MEIG1: variants seen among roughly 807,000 people sequenced by gnomAD.
MEIG1 encodes the protein meiosis expressed gene 1 protein homolog.
MEIG1 carries 12 observed loss-of-function variants against 11.3 expected under a neutral mutation model. The observed-to-expected ratio is 1.07, with a 90% CI of 0.68 to 1.73. MEIG1 has a LOEUF of 1.73. Ranked by LOEUF, MEIG1 falls within the 40% of genes most tolerant of loss-of-function variation. The probability of loss-of-function intolerance (pLI) is 0.00; values close to 1 mark genes in which losing one functional copy is unlikely to be tolerated. For synonymous variants in MEIG1, 41 were observed against 33.2 expected, an observed-to-expected ratio of 1.24 and a Z score of -0.81; for missense variants, 119 against 104.9, an observed-to-expected ratio of 1.13 and a Z score of -0.59.
intron 2 of MEIG1, among the ~76,000 whole-genome samples, chr10:14,968,484 T>C (rs2131270067): frequency 6.6e-6 from 1 of 151,934 alleles, no homozygotes; most frequent in East Asian, 1.9e-4. Flanking sequence ...CGAAACCCCA[T>C]CTCAAATAAA....
chr10:14,987,203 G>T (rs1203793393), intron 2 of MEIG1: 2 of 961,030 alleles, frequency 2.1e-6, no homozygotes, highest in East Asian at 3.0e-5. Flanking sequence ...CTTGGGAACC[G>T]TGGCCGAAGT....
upstream of MEIG1, among the ~76,000 whole-genome samples, chr10:14,957,402 G>T (rs931759887): frequency 1.3e-4 from 20 of 152,346 alleles, no homozygotes; most frequent in African/African-American, 4.8e-4. Flanking sequence ...GGGCAGTGAT[G>T]AAATATACTG....
downstream of MEIG1, among the ~76,000 whole-genome samples, chr10:14,975,386 GC>G (rs1388185029): frequency 6.6e-6 from 1 of 151,934 alleles, no homozygotes; most frequent in African/African-American, 2.4e-5. Flanking sequence ...GAGAGGAGAG[GC>G]TGATATGACT....
chr10:14,962,283 T>C (rs1301322550), intron 1 of MEIG1, among the ~76,000 whole-genome samples: 1 of 152,166 alleles, frequency 6.6e-6, no homozygotes, highest in Non-Finnish European at 1.5e-5. Context: ...TTTTGTGTTT[T>C]TAATAAACTG....
chr10:14,987,545 C>T (rs558965552), intron 2 of MEIG1: 15 of 652,956 alleles, frequency 2.3e-5, no homozygotes, highest in African/African-American at 2.2e-4. Flanking sequence ...CATCTTTACA[C>T]TTGCAGACCA....
chr10:14,984,359 C>T (rs1406077506), intron 1 of MEIG1, among the ~76,000 whole-genome samples: 1 of 152,100 alleles, frequency 6.6e-6, no homozygotes, highest in Non-Finnish European at 1.5e-5. Context: ...CAACATGCCG[C>T]TACTGAAGTC....
chr10:14,981,966 C>A (rs1271586720), intron 1 of MEIG1, among the ~76,000 whole-genome samples: 3 of 152,224 alleles, frequency 2.0e-5, no homozygotes, highest in African/African-American at 7.2e-5. Context: ...TCCCTGTTTA[C>A]AAACACCTGC....
At chr10:14,966,700 T>C in intron 2 of MEIG1, 94 bp downstream of exon 2, 17 of 1,093,606 alleles carry the variant, frequency 1.6e-5, no homozygotes, top group East Asian at 1.1e-4. Context: ...CTGAAGGAAA[T>C]TCGACTCCAA....
chr10:14,970,644 A>T (rs1399198923), intron 2 of MEIG1: 1 of 152,268 alleles, frequency 6.6e-6, no homozygotes, highest in Non-Finnish European at 1.5e-5. Flanking sequence ...CTTCTCAGAT[A>T]TGCTGTTACC....
chr10:14,958,665 GGC>G (rs1232407469), upstream of MEIG1, among the ~76,000 whole-genome samples: 1 of 152,192 alleles, frequency 6.6e-6, no homozygotes, highest in Non-Finnish European at 1.5e-5. Flanking sequence ...GGGAGGCCGA[GGC>G]GGGTGGATGA....
downstream of MEIG1, among the ~76,000 whole-genome samples, chr10:14,977,669 G>A (rs1225178484): frequency 1.3e-5 from 2 of 151,534 alleles, no homozygotes; most frequent in Non-Finnish European, 2.9e-5. Flanking sequence ...TACCCCATGT[G>A]GGTATACCCT....
chr10:14,971,434 T>G (rs1843149518), intron 2 of MEIG1, among the ~76,000 whole-genome samples: 1 of 151,798 alleles, frequency 6.6e-6, no homozygotes, highest in Non-Finnish European at 1.5e-5. Flanking sequence ...TTCTAACTAC[T>G]CGGGAGGCAG....
chr10:14,963,915 A>G (rs1333658446), intron 1 of MEIG1, among the ~76,000 whole-genome samples: 2 of 152,090 alleles, frequency 1.3e-5, no homozygotes, highest in Admixed American at 1.3e-4. Flanking sequence ...TGGCTAACAC[A>G]GTGAAACCCC....
intron 1 of MEIG1, 24 bp downstream of exon 1, chr10:14,959,581 C>G (rs1369783360): frequency 6.6e-6 from 1 of 152,432 alleles, no homozygotes; most frequent in African/African-American, 2.4e-5. Context: ...TCGCTGGAGG[C>G]GAGGGCCCTG....
At chr10:14,985,663 T>C (rs1843311582) in intron 1 of MEIG1, among the ~76,000 whole-genome samples, 1 of 152,040 alleles carries the variant, frequency 6.6e-6, no homozygotes, top group African/African-American at 2.4e-5. Context: ...TTTGTTTGAA[T>C]GTCACAAAGA....
intron 1 of MEIG1, among the ~76,000 whole-genome samples, chr10:14,960,072 A>G (rs914280432): frequency 2.0e-5 from 3 of 152,168 alleles, no homozygotes; most frequent in African/African-American, 2.4e-5. Context: ...TTGTCTTTCA[A>G]ATGAACGCCC....
At chr10:14,980,804 C>T (rs561070418) in intron 1 of MEIG1, among the ~76,000 whole-genome samples, 1 of 152,278 alleles carries the variant, frequency 6.6e-6, no homozygotes, top group South Asian at 2.1e-4. Context: ...GACCTTCCCA[C>T]TGAAAGGCAA....
chr10:14,974,388 G>A (rs560210709), downstream of MEIG1, among the ~76,000 whole-genome samples: 98 of 152,274 alleles, frequency 6.4e-4, no homozygotes, highest in Non-Finnish European at 8.8e-4. Context: ...AGGGCTTGTG[G>A]CTTTTCGGTA....
intron 1 of MEIG1, among the ~76,000 whole-genome samples, chr10:14,960,286 A>C (rs1328613038): frequency 6.6e-6 from 1 of 152,252 alleles, no homozygotes; most frequent in African/African-American, 2.4e-5. Context: ...TTGAAGTTTT[A>C]ATACTACTAA....
Sources: allele counts gnomAD v4.1 joint callset (sites outside exome capture counted in the v4.1 genomes callset), GRCh38; gene constraint gnomAD v4.1.1; transcripts MANE v1.5; gene names NCBI Gene and HGNC (gene_info 2026-07-23, HGNC 2026-07-21).